The following RBFOX1 variants were observed in gnomAD, a reference collection of about 807,000 sequenced individuals.
RBFOX1 encodes the protein RNA binding protein fox-1 homolog 1.
A neutral mutation model predicts 57.7 loss-of-function variants in RBFOX1; 8 were observed. The observed-to-expected ratio is 0.14, with a 90% CI of 0.08 to 0.25. RBFOX1 has a LOEUF of 0.25. Ranked by LOEUF, RBFOX1 falls within the 10% of genes least tolerant of loss-of-function variation. The pLI is 1.00. For missense variants in RBFOX1, 611 were observed against 548.5 expected (o/e 1.11, Z -1.14); for synonymous variants, 326 against 222.4 (o/e 1.47, Z -4.15).
intron 1 of RBFOX1, among the ~76,000 whole-genome samples, chr16:5,241,200 G>A (rs2062158834): frequency 1.3e-5 from 2 of 152,106 alleles, no homozygotes; most frequent in South Asian, 4.1e-4. Flanking sequence ...ATGCTGTGTG[G>A]GAGGCTTGCT....
intron 4 of RBFOX1, among the ~76,000 whole-genome samples, chr16:7,515,716 T>G (rs947773137): frequency 2.6e-5 from 4 of 152,214 alleles, no homozygotes; most frequent in Non-Finnish European, 5.9e-5. Context: ...AAAGCTGGAT[T>G]CAACACTTCA....
intron 5 of RBFOX1, among the ~76,000 whole-genome samples, chr16:7,577,007 A>C (rs1157190448): frequency 2.0e-5 from 3 of 152,224 alleles, no homozygotes; most frequent in Admixed American, 2.0e-4. Context: ...ACGTGGCACC[A>C]AACCTCGTAT....
At chr16:6,664,078 C>A (rs2098717456) in intron 3 of RBFOX1, among the ~76,000 whole-genome samples, 1 of 152,202 alleles carries the variant, frequency 6.6e-6, no homozygotes, top group Non-Finnish European at 1.5e-5. Flanking sequence ...AAGACAGTTT[C>A]TTTGTCTTAT....
At chr16:6,488,509 A>C (rs941537725) in intron 2 of RBFOX1, among the ~76,000 whole-genome samples, 2 of 152,190 alleles carry the variant, frequency 1.3e-5, no homozygotes, top group African/African-American at 4.8e-5. Flanking sequence ...TCTGCAAGGT[A>C]GGTATTACCA....
At chr16:5,867,643 C>T (rs1302097660) in intron 4 of RBFOX1, among the ~76,000 whole-genome samples, 1 of 152,178 alleles carries the variant, frequency 6.6e-6, no homozygotes, top group Non-Finnish European at 1.5e-5. Context: ...GAGACCTCCA[C>T]TGTCTGTATT....
chr16:5,681,797 G>A (rs771215782), intron 3 of RBFOX1, among the ~76,000 whole-genome samples: 4 of 152,124 alleles, frequency 2.6e-5, no homozygotes, highest in Non-Finnish European at 5.9e-5. Flanking sequence ...GCCTTGAGGT[G>A]GATTAAGCTA....
intron 3 of RBFOX1, among the ~76,000 whole-genome samples, chr16:6,818,378 C>A (rs7202526): frequency 6.6e-6 from 1 of 151,822 alleles, no homozygotes; most frequent in Non-Finnish European, 1.5e-5. Context: ...GGGACTTAAA[C>A]CAAGTTTAGA....
At chr16:5,814,321 A>G (rs899941223) in intron 3 of RBFOX1, among the ~76,000 whole-genome samples, 3 of 152,194 alleles carry the variant, frequency 2.0e-5, no homozygotes, top group African/African-American at 7.2e-5. Flanking sequence ...AAAAGAATAT[A>G]AAAATAAATT....
At chr16:7,098,277 C>A (rs1202610654) in intron 4 of RBFOX1, among the ~76,000 whole-genome samples, 1 of 152,232 alleles carries the variant, frequency 6.6e-6, no homozygotes, top group Non-Finnish European at 1.5e-5. Context: ...TCAAGCCATT[C>A]TCCTCTCTCA....
At chr16:7,272,204 G>A (rs1367430836) in intron 4 of RBFOX1, among the ~76,000 whole-genome samples, 1 of 151,928 alleles carries the variant, frequency 6.6e-6, no homozygotes, top group Non-Finnish European at 1.5e-5. Context: ...TTTTTTTTGA[G>A]AAAGAGTCTC....
chr16:5,593,917 G>T (rs886416472), intron 2 of RBFOX1, among the ~76,000 whole-genome samples: 3 of 152,108 alleles, frequency 2.0e-5, no homozygotes, highest in African/African-American at 7.2e-5. Context: ...GACCCCATTT[G>T]TCTTACACAA....
chr16:5,801,747 G>A (rs1297202124), intron 3 of RBFOX1, among the ~76,000 whole-genome samples: 1 of 148,510 alleles, frequency 6.7e-6, no homozygotes, highest in Non-Finnish European at 1.5e-5. Context: ...AACAACATAG[G>A]TTTTTTGTGT....
intron 2 of RBFOX1, among the ~76,000 whole-genome samples, chr16:5,580,817 G>C (rs1346885159): frequency 2.0e-5 from 3 of 152,188 alleles, no homozygotes; most frequent in African/African-American, 7.2e-5. Flanking sequence ...CTGTAGGGCA[G>C]ATGGCATTTA....
intron 3 of RBFOX1, among the ~76,000 whole-genome samples, chr16:6,729,578 A>G (rs1315051123): frequency 3.3e-5 from 5 of 152,162 alleles, no homozygotes; most frequent in East Asian, 1.9e-4. Context: ...TGGGAATATT[A>G]TCAAAACCCT....
At chr16:5,306,538 C>T (rs150727975) in intron 1 of RBFOX1, among the ~76,000 whole-genome samples, 3 of 152,192 alleles carry the variant, frequency 2.0e-5, no homozygotes, top group South Asian at 4.2e-4. Flanking sequence ...GAGCTCATGA[C>T]CTCAAGTGAC....
At chr16:6,883,661 T>C (rs2063392056) in intron 3 of RBFOX1, among the ~76,000 whole-genome samples, 1 of 152,208 alleles carries the variant, frequency 6.6e-6, no homozygotes, top group Non-Finnish European at 1.5e-5. Context: ...TTGTAGTAAG[T>C]ATTGAAACCT....
chr16:5,697,405 G>A (rs969570982), intron 3 of RBFOX1, among the ~76,000 whole-genome samples: 2 of 150,602 alleles, frequency 1.3e-5, no homozygotes, highest in Non-Finnish European at 3.0e-5. Context: ...AATACATAGT[G>A]TTATATATAA....
At chr16:6,400,767 C>T (rs372353656) in intron 2 of RBFOX1, among the ~76,000 whole-genome samples, 11 of 152,090 alleles carry the variant, frequency 7.2e-5, no homozygotes, top group Middle Eastern at 3.4e-3. Flanking sequence ...GCTTGGTGGG[C>T]GCTTGTAGTC....
At chr16:6,862,790 G>A (rs1023673161) in intron 3 of RBFOX1, among the ~76,000 whole-genome samples, 1 of 152,098 alleles carries the variant, frequency 6.6e-6, no homozygotes, top group African/African-American at 2.4e-5. Flanking sequence ...TTGAAGATCA[G>A]CCTGGCCAAA....
Sources: gnomAD v4.1 joint callset for allele counts (sites outside exome capture counted in the v4.1 genomes callset) on GRCh38, gnomAD v4.1.1 for gene constraint, MANE v1.5 for transcripts, NCBI Gene and HGNC (gene_info 2026-07-23, HGNC 2026-07-21) for gene names.